Variants in ATP2B2 observed in about 807,000 individuals in gnomAD.
ATP2B2 encodes the protein plasma membrane calcium-transporting ATPase 2.
Under a neutral mutation model 120.0 loss-of-function variants are expected in ATP2B2, and 15 were observed. The ratio of observed to expected loss-of-function variants is 0.12; its 90% CI spans 0.08 to 0.19. The LOEUF (loss-of-function observed/expected upper bound fraction) is 0.19, where lower values mean the gene tolerates loss of function less well. ATP2B2 is among the 10% of genes least tolerant of loss of function. The pLI is 1.00. For missense variants in ATP2B2, 1,045 were observed against 1,719.8 expected (o/e 0.61, Z 6.94); for synonymous variants, 694 against 700.3 (o/e 0.99, Z 0.14).
chr3:10,498,960 G>T (rs908667868), intron 1 of ATP2B2, among the ~76,000 whole-genome samples: 1 of 152,184 alleles, frequency 6.6e-6, no homozygotes, highest in African/African-American at 2.4e-5. Context: ...TTCCATTTGA[G>T]ACATTACCTA....
chr3:10,508,580 T>C (rs1196354458), upstream of ATP2B2, among the ~76,000 whole-genome samples: 2 of 152,218 alleles, frequency 1.3e-5, no homozygotes, highest in Admixed American at 1.3e-4. Context: ...AAGAAAAAGA[T>C]CAGGGCTTGC....
chr3:10,684,392 C>G (rs1179183039), intron 1 of ATP2B2, among the ~76,000 whole-genome samples: 2 of 152,224 alleles, frequency 1.3e-5, no homozygotes, highest in African/African-American at 4.8e-5. Context: ...CCTCTGGATT[C>G]AGCTGTGCCT....
At chr3:10,575,996 A>G (rs2068236456) in intron 2 of ATP2B2, among the ~76,000 whole-genome samples, 1 of 152,228 alleles carries the variant, frequency 6.6e-6, no homozygotes, top group African/African-American at 2.4e-5. Flanking sequence ...AGCACTTGGC[A>G]TGGATGGCCT....
At chr3:10,602,235 G>T (rs764114951) in intron 2 of ATP2B2, among the ~76,000 whole-genome samples, 1 of 152,156 alleles carries the variant, frequency 6.6e-6, no homozygotes, top group Non-Finnish European at 1.5e-5. Context: ...GTCTGTTCTG[G>T]AATCCCACCC....
At chr3:10,405,818 A>G (rs1409450574) in intron 3 of ATP2B2, among the ~76,000 whole-genome samples, 1 of 151,998 alleles carries the variant, frequency 6.6e-6, no homozygotes, top group East Asian at 1.9e-4. Context: ...GATCCTCAAA[A>G]CTGGTTGAGC....
chr3:10,559,411 T>C (rs900022628), intron 2 of ATP2B2, among the ~76,000 whole-genome samples: 2 of 152,142 alleles, frequency 1.3e-5, no homozygotes, highest in African/African-American at 4.8e-5. Context: ...CACAGAGAAA[T>C]GATAAACGTT....
intron 2 of ATP2B2, among the ~76,000 whole-genome samples, chr3:10,549,855 C>G (rs2067631100): frequency 6.6e-6 from 1 of 152,208 alleles, no homozygotes; most frequent in African/African-American, 2.4e-5. Context: ...CAATGGCCAG[C>G]ACAGGGGAGG....
intron 2 of ATP2B2, among the ~76,000 whole-genome samples, chr3:10,431,011 G>GA (rs1298817664): frequency 6.6e-6 from 1 of 151,870 alleles, no homozygotes; most frequent in African/African-American, 2.4e-5. Context: ...ATAGGACTGG[G>GA]AATGTTAGGA....
At chr3:10,379,959 G>C (rs528686034) in intron 8 of ATP2B2, among the ~76,000 whole-genome samples, 1 of 152,302 alleles carries the variant, frequency 6.6e-6, no homozygotes, top group Non-Finnish European at 1.5e-5. Context: ...AGAGTGACCA[G>C]AACAAAGAGT....
chr3:10,505,283 C>T (rs1330345314), intron 1 of ATP2B2, among the ~76,000 whole-genome samples, 182 bp downstream of exon 1: 1 of 152,132 alleles, frequency 6.6e-6, no homozygotes, highest in African/African-American at 2.4e-5. Context: ...GCAGCCTCGG[C>T]TGCTGCCAGA....
At chr3:10,372,525 G>A (rs2061272860) in intron 11 of ATP2B2, among the ~76,000 whole-genome samples, 3 of 152,022 alleles carry the variant, frequency 2.0e-5, no homozygotes, top group Admixed American at 2.0e-4. Flanking sequence ...TTAGGATACA[G>A]GAAAATATCT....
chr3:10,633,377 C>T (rs180685779), intron 1 of ATP2B2, among the ~76,000 whole-genome samples: 289 of 152,282 alleles, frequency 1.9e-3, no homozygotes, highest in African/African-American at 6.5e-3. Flanking sequence ...CTGGATTTGC[C>T]GCTCCTTCCC....
chr3:10,618,476 T>A (rs2069457516), intron 2 of ATP2B2, among the ~76,000 whole-genome samples: 2 of 152,172 alleles, frequency 1.3e-5, no homozygotes, highest in South Asian at 4.1e-4. Flanking sequence ...ATCGAGGTGA[T>A]GAGCAGTGGA....
intron 2 of ATP2B2, among the ~76,000 whole-genome samples, chr3:10,603,578 GTT>G (rs1446421397): frequency 6.6e-6 from 1 of 152,268 alleles, no homozygotes; most frequent in African/African-American, 2.4e-5. Flanking sequence ...TCTTGCAAGC[GTT>G]CATGATAACA....
At chr3:10,671,509 G>GACACAC (rs1247411182) in intron 1 of ATP2B2, among the ~76,000 whole-genome samples, 1 of 152,136 alleles carries the variant, frequency 6.6e-6, no homozygotes, top group Non-Finnish European at 1.5e-5. Context: ...CTTAGTCCTG[G>GACACAC]ACAAACCAGG....
At chr3:10,609,578 G>A (rs1575553872) in intron 2 of ATP2B2, among the ~76,000 whole-genome samples, 1 of 152,214 alleles carries the variant, frequency 6.6e-6, no homozygotes, top group Non-Finnish European at 1.5e-5. Context: ...GTTGGGCAGC[G>A]GGAGATCCTC....
At chr3:10,506,593 G>A (rs1401688595), upstream of ATP2B2, among the ~76,000 whole-genome samples, 1 of 152,202 alleles carries the variant, frequency 6.6e-6, no homozygotes, top group Non-Finnish European at 1.5e-5. Context: ...CACCGGGGGC[G>A]AGGGGCTTCT....
intron 1 of ATP2B2, among the ~76,000 whole-genome samples, chr3:10,654,404 C>G (rs1281516730): frequency 6.6e-6 from 1 of 152,076 alleles, no homozygotes; most frequent in Admixed American, 6.5e-5. Flanking sequence ...CTGGCTGACT[C>G]AAGGAGGAGA....
intron 8 of ATP2B2, among the ~76,000 whole-genome samples, chr3:10,382,263 T>G (rs544868884): frequency 7.1e-6 from 1 of 140,588 alleles, no homozygotes; most frequent in East Asian, 2.3e-4. Flanking sequence ...CTCAAACTCT[T>G]GACCTCAAGT....
Sources: allele counts gnomAD v4.1 joint callset (sites outside exome capture counted in the v4.1 genomes callset), GRCh38; gene constraint gnomAD v4.1.1; transcripts MANE v1.5; gene names NCBI Gene and HGNC (gene_info 2026-07-23, HGNC 2026-07-21).